MB21D2: variants seen among roughly 807,000 people sequenced by gnomAD.
The protein encoded by MB21D2 is nucleotidyltransferase MB21D2.
In MB21D2, 9 loss-of-function variants were observed where a neutral mutation model predicts 33.3. That is an observed-to-expected ratio of 0.27 (90% CI 0.16 to 0.47). The LOEUF (loss-of-function observed/expected upper bound fraction) is 0.47. Ranked by LOEUF, MB21D2 falls within the 20% of genes least tolerant of loss-of-function variation. The probability of loss-of-function intolerance (pLI) is 0.99; values close to 1 mark genes in which losing one functional copy is unlikely to be tolerated. For missense variants in MB21D2, 540 were observed against 624.6 expected, an observed-to-expected ratio of 0.86 and a Z score of 1.44; for synonymous variants, 241 against 236.3, an observed-to-expected ratio of 1.02 and a Z score of -0.18.
At chr3:192,842,086 C>CG (rs1171723540) in intron 1 of MB21D2, among the ~76,000 whole-genome samples, 1 of 152,042 alleles carries the variant, frequency 6.6e-6, no homozygotes, top group Non-Finnish European at 1.5e-5. Context: ...GGGCGCCACT[C>CG]GGGGGGCATA....
chr3:192,873,634 T>C (rs1176998467), intron 1 of MB21D2, among the ~76,000 whole-genome samples: 1 of 152,206 alleles, frequency 6.6e-6, no homozygotes, highest in African/African-American at 2.4e-5. Context: ...CTACCACTCT[T>C]TGACCGCTGT....
At chr3:192,844,703 C>A (rs564256069) in intron 1 of MB21D2, among the ~76,000 whole-genome samples, 1 of 152,174 alleles carries the variant, frequency 6.6e-6, no homozygotes, top group Non-Finnish European at 1.5e-5. Flanking sequence ...GGCTCCAGGG[C>A]GAGAGGAAAT....
intron 1 of MB21D2, among the ~76,000 whole-genome samples, chr3:192,864,066 A>AAC (rs1713109831): frequency 6.6e-6 from 1 of 152,206 alleles, no homozygotes; most frequent in African/African-American, 2.4e-5. Flanking sequence ...GGCATTTACA[A>AAC]ACACAGAGGT....
At chr3:192,818,744 ACT>A (rs1431230171) in intron 1 of MB21D2, among the ~76,000 whole-genome samples, 1 of 150,806 alleles carries the variant, frequency 6.6e-6, no homozygotes, top group Non-Finnish European at 1.5e-5. Flanking sequence ...TATGGTCATA[ACT>A]CTGCTTTTCC....
chr3:192,819,354 C>T (rs1039962474), intron 1 of MB21D2, among the ~76,000 whole-genome samples: 1 of 152,184 alleles, frequency 6.6e-6, no homozygotes, highest in African/African-American at 2.4e-5. Context: ...AAAACACTGG[C>T]TTTTCACGGC....
chr3:192,830,540 C>T (rs146143010), intron 1 of MB21D2, among the ~76,000 whole-genome samples: 1 of 152,128 alleles, frequency 6.6e-6, no homozygotes, highest in South Asian at 2.1e-4. Flanking sequence ...TTCTGCAAAC[C>T]AACTTCATGA....
intron 1 of MB21D2, among the ~76,000 whole-genome samples, chr3:192,874,693 T>C (rs1026320335): frequency 1.3e-5 from 2 of 152,224 alleles, no homozygotes; most frequent in African/African-American, 2.4e-5. Flanking sequence ...ATGGACTGCA[T>C]GGAGACTCTA....
intron 1 of MB21D2, among the ~76,000 whole-genome samples, chr3:192,841,835 G>A (rs1712578898): frequency 6.6e-6 from 1 of 152,208 alleles, no homozygotes; most frequent in Non-Finnish European, 1.5e-5. Context: ...TAAAGGTTAG[G>A]GGTTCTTTGT....
chr3:192,798,824 G>C lies in MB21D2; in HGVS notation c.1038C>G (p.Asn346Lys). Reference sequence around the variant, plus strand: ...CTGCATAGTCTTCTTGAGCCAAGTAGTTGGCAGGAAGTCTGTCGCAGGCCC... The same window carrying C: ...CTGCATAGTCTTCTTGAGCCAAGTACTTGGCAGGAAGTCTGTCGCAGGCCC... ...MLWACDRLPA[N>K]YLAQEDYAAH... Residue 346 changes from asparagine to lysine, a missense_variant, in exon 2 of 2, where the codon AAC (asparagine) becomes AAG (lysine). Transcript: ENST00000392452. The surrounding 1 kb of genome is among the most constrained non-coding windows in gnomAD (Gnocchi z 4.8). The C allele has an allele frequency of 6.2e-7, 1 of 1,612,076 alleles. No individual in the cohort carries two copies. Among genetic ancestry groups the C allele is most frequent in the Non-Finnish European group, 8.5e-7 (1 of 1,179,482 alleles).
chr3:192,907,460 A>G (rs1714238404), intron 1 of MB21D2, among the ~76,000 whole-genome samples: 1 of 152,156 alleles, frequency 6.6e-6, no homozygotes, highest in Admixed American at 6.5e-5. Flanking sequence ...AAAGTCTACA[A>G]GCTCTTTGCA....
At chr3:192,823,822 A>G (rs1712110622) in intron 1 of MB21D2, among the ~76,000 whole-genome samples, 1 of 152,208 alleles carries the variant, frequency 6.6e-6, no homozygotes, top group Admixed American at 6.5e-5. Context: ...TTTTAATAAA[A>G]CTGACAGATT....
At chr3:192,904,505 C>T (rs912743173) in intron 1 of MB21D2, among the ~76,000 whole-genome samples, 1 of 152,206 alleles carries the variant, frequency 6.6e-6, no homozygotes, top group Non-Finnish European at 1.5e-5. Flanking sequence ...TCAGCCCAGA[C>T]CCTCGGCCCC....
intron 1 of MB21D2, among the ~76,000 whole-genome samples, chr3:192,865,824 T>C (rs775727855): frequency 3.9e-5 from 6 of 152,122 alleles, no homozygotes; most frequent in Non-Finnish European, 5.9e-5. Flanking sequence ...GGCAGGAGGA[T>C]TGCTGGAGCC....
chr3:192,843,735 G>C (rs543560727), intron 1 of MB21D2, among the ~76,000 whole-genome samples: 2 of 152,156 alleles, frequency 1.3e-5, no homozygotes, highest in East Asian at 3.9e-4. Context: ...GTAACCTGCA[G>C]GTTATTTCAC....
chr3:192,909,755 ACCCC>A (rs1355336498), intron 1 of MB21D2, among the ~76,000 whole-genome samples: 3 of 151,362 alleles, frequency 2.0e-5, no homozygotes, highest in Non-Finnish European at 3.0e-5. Flanking sequence ...ACATGGCGAA[ACCCC>A]ATCTCTACTA....
chr3:192,839,318 C>T (rs1368618064), intron 1 of MB21D2, among the ~76,000 whole-genome samples: 2 of 152,150 alleles, frequency 1.3e-5, no homozygotes, highest in African/African-American at 4.8e-5. Context: ...GCAAAACAGC[C>T]TTCTGTTTCT....
intron 1 of MB21D2, among the ~76,000 whole-genome samples, chr3:192,860,769 C>T (rs1577186765): frequency 6.6e-6 from 1 of 152,338 alleles, no homozygotes; most frequent in Middle Eastern, 3.4e-3. Context: ...GCAACAATGT[C>T]TCCCAGCTAA....
chr3:192,801,523 G>C (rs546596174), intron 1 of MB21D2, among the ~76,000 whole-genome samples: 6 of 152,270 alleles, frequency 3.9e-5, no homozygotes, highest in African/African-American at 1.4e-4. Context: ...TGGGGCCTGT[G>C]GTAGGTGATC....
intron 1 of MB21D2, among the ~76,000 whole-genome samples, chr3:192,906,015 C>CT (rs1714208904): frequency 6.6e-6 from 1 of 151,994 alleles, no homozygotes; most frequent in Non-Finnish European, 1.5e-5. Context: ...TACTTACTTC[C>CT]TAGGGTTGCT....
Sources: gnomAD v4.1 joint callset for allele counts (sites outside exome capture counted in the v4.1 genomes callset) on GRCh38, gnomAD v4.1.1 for gene constraint, Gnocchi (gnomAD v3.1) non-coding constraint, MANE v1.5 for transcripts, NCBI Gene and HGNC (gene_info 2026-07-23, HGNC 2026-07-21) for gene names.